Variants in ZNF438 observed in about 807,000 individuals in gnomAD.
ZNF438 encodes the protein zinc finger protein 438.
ZNF438 carries 25 observed loss-of-function variants against 38.0 expected under a neutral mutation model. The ratio of observed to expected loss-of-function variants is 0.66; its 90% CI spans 0.48 to 0.92. The LOEUF is 0.92. ZNF438 is among the 40% of genes least tolerant of loss of function. ZNF438 has a pLI of 0.00. For synonymous variants in ZNF438, 372 were observed against 364.1 expected (o/e 1.02, Z -0.25); for missense variants, 1,007 against 999.6 (o/e 1.01, Z -0.10).
intron 4 of ZNF438, among the ~76,000 whole-genome samples, chr10:30,872,260 T>A (rs2037542585): frequency 6.6e-6 from 1 of 151,564 alleles, no homozygotes; most frequent in African/African-American, 2.4e-5. Flanking sequence ...ATCCCCTCTC[T>A]ACTAAAAATA....
intron 5 of ZNF438, among the ~76,000 whole-genome samples, chr10:30,846,390 G>C (rs1380521406): frequency 6.6e-6 from 1 of 152,214 alleles, no homozygotes; most frequent in Non-Finnish European, 1.5e-5. Context: ...GTTGCTGCTG[G>C]GAAAACATGG....
At chr10:30,991,057 G>T (rs1222297123) in intron 1 of ZNF438, among the ~76,000 whole-genome samples, 3 of 152,280 alleles carry the variant, frequency 2.0e-5, no homozygotes, top group Admixed American at 6.5e-5. Context: ...CTAAATCTTG[G>T]TAAGAGCCTG....
intron 4 of ZNF438, among the ~76,000 whole-genome samples, chr10:30,870,882 T>C (rs2037300137): frequency 6.6e-6 from 1 of 152,096 alleles, no homozygotes; most frequent in South Asian, 2.1e-4. Flanking sequence ...ACTATCTCCA[T>C]TGGAAAGATG....
In ZNF438 at chr10:30,930,412, C is replaced by T. The variant is rs561932594; in HGVS notation, c.-115+11163G>A. The stretch of plus-strand genomic sequence containing the variant: ...GCAGTGCGCAGCCCCGGTTCCCACC[C>T]GCGCATCTCCCTCCACATCTCCCCA... On this transcript the variant is annotated intron_variant, in intron 2 of 5. Coordinates refer to ENST00000413025, the Ensembl canonical transcript of ZNF438. 5.3e-5 allele frequency among the ~76,000 whole-genome samples: 8 copies of T among 152,148 alleles called. No homozygotes were observed. The East Asian group carries it at 9.7e-4, about 18-fold the overall frequency.
chr10:30,928,561 CAA>C (rs574963145), intron 2 of ZNF438, among the ~76,000 whole-genome samples: 13 of 109,410 alleles, frequency 1.2e-4, no homozygotes, highest in Non-Finnish European at 5.7e-5. Flanking sequence ...AACGTTTGGA[CAA>C]AAAAAAAAAA....
intron 2 of ZNF438, among the ~76,000 whole-genome samples, chr10:30,936,148 C>A (rs951649752): frequency 6.6e-6 from 1 of 152,174 alleles, no homozygotes; most frequent in African/African-American, 2.4e-5. Flanking sequence ...GTTTCTATTG[C>A]CAACTCGACT....
chr10:30,933,723 C>T (rs2045933305), intron 2 of ZNF438, among the ~76,000 whole-genome samples: 1 of 152,166 alleles, frequency 6.6e-6, no homozygotes, highest in South Asian at 2.1e-4. Context: ...TTTGCAATCT[C>T]TGTTGTATGT....
chr10:30,917,232 C>A (rs2043747813), intron 2 of ZNF438, among the ~76,000 whole-genome samples: 1 of 152,066 alleles, frequency 6.6e-6, no homozygotes, highest in African/African-American at 2.4e-5. Flanking sequence ...TCTGTTTATC[C>A]ATTCTCTTAC....
intron 1 of ZNF438, among the ~76,000 whole-genome samples, chr10:30,967,195 C>CGA (rs2050215485): frequency 6.6e-6 from 1 of 152,062 alleles, no homozygotes. Flanking sequence ...GAGGAAAAGG[C>CGA]AAAAACAGAA....
intron 4 of ZNF438, among the ~76,000 whole-genome samples, chr10:30,868,387 A>G (rs532591939): frequency 6.6e-6 from 1 of 152,126 alleles, no homozygotes; most frequent in Non-Finnish European, 1.5e-5. Context: ...ATTTTTTTAA[A>G]CAAAAAGTAT....
At chr10:30,924,729 T>C (rs973759521) in intron 2 of ZNF438, among the ~76,000 whole-genome samples, 1 of 152,162 alleles carries the variant, frequency 6.6e-6, no homozygotes, top group Non-Finnish European at 1.5e-5. Context: ...AAGTATCAAA[T>C]CCCTGAAAGA....
chr10:30,880,665 G>A (rs1268846998), intron 3 of ZNF438, among the ~76,000 whole-genome samples: 1 of 152,052 alleles, frequency 6.6e-6, no homozygotes, highest in Non-Finnish European at 1.5e-5. Flanking sequence ...GGATTATCTA[G>A]ATATCAAAAC....
chr10:30,873,219 T>C (rs772105849), intron 4 of ZNF438, among the ~76,000 whole-genome samples: 4 of 152,192 alleles, frequency 2.6e-5, no homozygotes, highest in Non-Finnish European at 4.4e-5. Flanking sequence ...AAGAATGATA[T>C]AGAAAATTGT....
intron 3 of ZNF438, among the ~76,000 whole-genome samples, chr10:30,897,828 T>A (rs2041535261): frequency 6.6e-6 from 1 of 152,186 alleles, no homozygotes. Flanking sequence ...CTTGTGGGGT[T>A]GCTCCTGAAA....
intron 1 of ZNF438, among the ~76,000 whole-genome samples, chr10:30,988,187 T>C (rs974090706): frequency 2.0e-5 from 3 of 152,114 alleles, no homozygotes; most frequent in African/African-American, 7.2e-5. Context: ...TATTAAACTA[T>C]TACAAAATAA....
intron 1 of ZNF438, among the ~76,000 whole-genome samples, chr10:30,956,443 T>G (rs1186849004): frequency 6.6e-6 from 1 of 152,192 alleles, no homozygotes; most frequent in Admixed American, 6.5e-5. Flanking sequence ...AAGCTTCTCT[T>G]GTATTTTGAA....
chr10:30,848,083 T>C (rs1443726547), intron 5 of ZNF438, among the ~76,000 whole-genome samples: 2 of 152,054 alleles, frequency 1.3e-5, no homozygotes, highest in African/African-American at 4.8e-5. Flanking sequence ...CAAAAAGGAA[T>C]GACACCAGAA....
chr10:30,982,256 C>T (rs1445367968), intron 1 of ZNF438, among the ~76,000 whole-genome samples: 1 of 151,950 alleles, frequency 6.6e-6, no homozygotes, highest in Non-Finnish European at 1.5e-5. Flanking sequence ...CACCTGCCAC[C>T]ACGCCTGGCT....
chr10:30,852,176 AG>A (rs2033771612), intron 4 of ZNF438, among the ~76,000 whole-genome samples: 1 of 151,920 alleles, frequency 6.6e-6, no homozygotes, highest in South Asian at 2.1e-4. Flanking sequence ...CAAAAAAAAA[AG>A]AAAAGAAAAT....
Sources: gnomAD v4.1 joint callset for allele counts (sites outside exome capture counted in the v4.1 genomes callset) on GRCh38, gnomAD v4.1.1 for gene constraint, MANE v1.5 for transcripts, NCBI Gene and HGNC (gene_info 2026-07-23, HGNC 2026-07-21) for gene names.